The following LINGO2 variants were observed in gnomAD, a reference collection of about 807,000 sequenced individuals.
LINGO2 encodes the protein leucine rich repeat and Ig domain containing 2.
A neutral mutation model predicts 30.6 loss-of-function variants in LINGO2; 14 were observed. The ratio of observed to expected loss-of-function variants is 0.46; its 90% CI spans 0.30 to 0.72. The LOEUF (loss-of-function observed/expected upper bound fraction) is 0.72, where lower values mean the gene tolerates loss of function less well. Among genes scored for constraint, LINGO2 ranks in the 30% least tolerant of loss-of-function variants. The pLI is 0.07. For synonymous variants in LINGO2, 317 were observed against 288.5 expected (o/e 1.10, Z -1.00); for missense variants, 729 against 751.7 (o/e 0.97, Z 0.35).
the LINGO2 span, among the ~76,000 whole-genome samples, chr9:28,706,260 TA>T: frequency 6.6e-5 from 10 of 152,188 alleles, no homozygotes; most frequent in Admixed American, 2.6e-4. Context: ...GTACATGGGT[TA>T]AAAAACAGAG....
chr9:28,235,599 C>T (rs977223422), intron 4 of LINGO2, among the ~76,000 whole-genome samples: 1 of 152,084 alleles, frequency 6.6e-6, no homozygotes, highest in Non-Finnish European at 1.5e-5. Context: ...CCAGATAACG[C>T]AGAGACGAAA....
intron 3 of LINGO2, among the ~76,000 whole-genome samples, chr9:28,342,881 C>T (rs1344518589): frequency 5.3e-5 from 8 of 152,016 alleles, no homozygotes; most frequent in Non-Finnish European, 1.2e-4. Context: ...ATAACAAAAA[C>T]AGCTAGAATT....
chr9:28,110,504 A>T (rs938284772), intron 4 of LINGO2, among the ~76,000 whole-genome samples: 2 of 152,216 alleles, frequency 1.3e-5, no homozygotes, highest in East Asian at 1.9e-4. Flanking sequence ...CATCTGACAA[A>T]GGTCTAATAT....
chr9:28,990,804 T>C, the LINGO2 span, among the ~76,000 whole-genome samples: 1 of 152,092 alleles, frequency 6.6e-6, no homozygotes, highest in Non-Finnish European at 1.5e-5. Flanking sequence ...TCCTGTCTGT[T>C]AGAAGGAAAA....
chr9:28,415,399 C>G (rs1822926871), intron 2 of LINGO2, among the ~76,000 whole-genome samples: 1 of 152,148 alleles, frequency 6.6e-6, no homozygotes, highest in South Asian at 2.1e-4. Flanking sequence ...TTAATACTTT[C>G]CAAAATGATC....
At chr9:27,968,347 A>C (rs1470167784) in intron 5 of LINGO2, among the ~76,000 whole-genome samples, 1 of 152,070 alleles carries the variant, frequency 6.6e-6, no homozygotes, top group Non-Finnish European at 1.5e-5. Flanking sequence ...TTCATGACTC[A>C]TGGTTCCAAA....
intron 4 of LINGO2, among the ~76,000 whole-genome samples, chr9:28,253,975 T>C (rs774399466): frequency 2.0e-5 from 3 of 152,116 alleles, no homozygotes; most frequent in Non-Finnish European, 2.9e-5. Flanking sequence ...AGCGTACTAG[T>C]CGGACTCTTG....
At chr9:28,169,012 G>A (rs946261961) in intron 4 of LINGO2, among the ~76,000 whole-genome samples, 2 of 152,124 alleles carry the variant, frequency 1.3e-5, no homozygotes, top group Non-Finnish European at 2.9e-5. Context: ...ATTTACAAAT[G>A]AGCCAAACAT....
intron 1 of LINGO2, among the ~76,000 whole-genome samples, chr9:28,657,490 A>G (rs1178654445): frequency 6.6e-6 from 1 of 151,920 alleles, no homozygotes; most frequent in Admixed American, 6.6e-5. Flanking sequence ...AGTAGATTGC[A>G]TGTTTCTACA....
intron 2 of LINGO2, among the ~76,000 whole-genome samples, chr9:28,400,019 A>G (rs1309092832): frequency 2.0e-5 from 3 of 152,198 alleles, no homozygotes; most frequent in African/African-American, 7.2e-5. Flanking sequence ...TTAATTTTGC[A>G]GCATTATTTT....
At chr9:28,861,701 C>CT in the LINGO2 span, among the ~76,000 whole-genome samples, 1 of 151,858 alleles carries the variant, frequency 6.6e-6, no homozygotes, top group African/African-American at 2.4e-5. Context: ...GAAATCAAGG[C>CT]TGAAGTGAGC....
Position 28,148,480 on chromosome 9 carries a change from G to C in LINGO2, c.-86-136075C>G. On this transcript the variant is annotated intron_variant, in intron 4 of 5. Coordinates refer to ENST00000379992, the Ensembl canonical transcript of LINGO2. The surrounding 1 kb of genome is among the most constrained non-coding windows in gnomAD (Gnocchi z 5.1). ...GAGAAGCAACGGAGGTGACAGACCAGGTAGAGACCCAGGGGCAGGAGGACA... is the reference window on the plus strand; with the variant it reads ...GAGAAGCAACGGAGGTGACAGACCACGTAGAGACCCAGGGGCAGGAGGACA... The C allele has an allele frequency of 7.0e-7, 1 of 1,433,558 alleles. No individual in the cohort carries two copies. Among genetic ancestry groups the C allele is most frequent in the South Asian group, 1.2e-5 (1 of 81,748 alleles). The allele number at this position is 1,433,558 out of a possible 1,614,324, so 88.8% of individuals were successfully genotyped here.
chr9:29,169,984 C>T, the LINGO2 span, among the ~76,000 whole-genome samples: 1 of 152,018 alleles, frequency 6.6e-6, no homozygotes, highest in East Asian at 1.9e-4. Flanking sequence ...CAGAGCAAGA[C>T]TCTGTATAAA....
At position 28,191,273 on chromosome 9, in the gene LINGO2, T is replaced by C. The variant is rs569542237; in HGVS notation, c.-87+103935A>G. ...GAAGACTTCTACTATTTTCTTGACA[T>C]TTGACTATTTATAGTAGGCCTGTAT... On this transcript the variant is annotated intron_variant, in intron 4 of 5. Transcript: ENST00000379992. 1.2e-4 allele frequency among the ~76,000 whole-genome samples: 19 copies of C among 152,348 alleles called. No homozygotes were observed. The East Asian group carries it at 3.7e-3, about 29-fold the overall frequency.
the LINGO2 span, among the ~76,000 whole-genome samples, chr9:28,771,959 C>A: frequency 1.3e-5 from 2 of 152,102 alleles, no homozygotes; most frequent in Non-Finnish European, 2.9e-5. Context: ...CATGGAATAA[C>A]TGAATGCCGT....
At chr9:27,953,458 T>C (rs1166916254) in intron 5 of LINGO2, among the ~76,000 whole-genome samples, 1 of 152,182 alleles carries the variant, frequency 6.6e-6, no homozygotes, top group Non-Finnish European at 1.5e-5. Context: ...TGACGGCTAA[T>C]ATGGTTTGGC....
At chr9:28,462,414 T>TAAAAA (rs61677547) in intron 2 of LINGO2, among the ~76,000 whole-genome samples, 1 of 89,086 alleles carries the variant, frequency 1.1e-5, no homozygotes, top group Non-Finnish European at 2.2e-5. Flanking sequence ...ATGCTCTAGC[T>TAAAAA]AAAAAAAAAA....
the LINGO2 span, among the ~76,000 whole-genome samples, chr9:29,129,217 G>A: frequency 6.6e-6 from 1 of 151,982 alleles, no homozygotes; most frequent in Non-Finnish European, 1.5e-5. Context: ...CTTTTATTTA[G>A]GTGAGCATGT....
chr9:27,952,309 A>T (rs902674243), intron 5 of LINGO2, among the ~76,000 whole-genome samples: 1 of 152,032 alleles, frequency 6.6e-6, no homozygotes, highest in Admixed American at 6.6e-5. Context: ...TAATATGACA[A>T]CTATTAAACC....
Sources: gnomAD v4.1 joint callset for allele counts (sites outside exome capture counted in the v4.1 genomes callset) on GRCh38, gnomAD v4.1.1 for gene constraint, Gnocchi (gnomAD v3.1) non-coding constraint, MANE v1.5 for transcripts, NCBI Gene and HGNC (gene_info 2026-07-23, HGNC 2026-07-21) for gene names.